The following ATP8B1 variants were observed in gnomAD, a reference collection of about 807,000 sequenced individuals.
The protein encoded by ATP8B1 is phospholipid-transporting ATPase IC.
Under a neutral mutation model 149.9 loss-of-function variants are expected in ATP8B1, and 80 were observed. The observed-to-expected ratio is 0.53, with a 90% CI of 0.45 to 0.64. The LOEUF (loss-of-function observed/expected upper bound fraction) is 0.64, where lower values mean the gene tolerates loss of function less well. ATP8B1 is among the 30% of genes least tolerant of loss of function. The probability of loss-of-function intolerance (pLI) is 0.00; values close to 1 mark genes in which losing one functional copy is unlikely to be tolerated. For synonymous variants in ATP8B1, 536 were observed against 562.8 expected, an observed-to-expected ratio of 0.95 and a Z score of 0.67; for missense variants, 1,247 against 1,552.6, an observed-to-expected ratio of 0.80 and a Z score of 3.31.
chr18:57,652,875 C>T, intron 24 of ATP8B1, 146 bp from the exon 25 acceptor site: 1 of 1,010,638 alleles, frequency 9.9e-7, no homozygotes, highest in Non-Finnish European at 1.5e-6. Context: ...ATCAATCCTG[C>T]AATATTTGTG....
chr18:57,761,064 CATAAAATAAAATAAATAAA>C (rs1379071594), intron 1 of ATP8B1, among the ~76,000 whole-genome samples: 19 of 133,132 alleles, frequency 1.4e-4, no homozygotes, highest in African/African-American at 5.2e-4. Context: ...CATAAAATAA[CATAAAATAAAATAAATAAA>C]ATAAAATAAA....
In ATP8B1 at chr18:57,708,144, G is replaced by A. The variant is rs1314039623; in HGVS notation, c.182-1557C>T. Reference sequence around the variant, plus strand: ...CTGCACTCCAGCCTGGGCGACAGACGGAAACTCTGTCTCAAAAAAAAAAAA... The same window carrying A: ...CTGCACTCCAGCCTGGGCGACAGACAGAAACTCTGTCTCAAAAAAAAAAAA... On this transcript the variant is annotated intron_variant, in intron 2 of 27. Transcript: ENST00000648908. Among the ~76,000 whole-genome samples the A allele has an allele frequency of 3.8e-5, 5 of 132,252 alleles. No homozygotes were observed. In the East Asian group the frequency reaches 8.4e-4, roughly 22 times the overall value. The allele number at this position is 132,252 out of a possible 152,430, so 86.8% of individuals were successfully genotyped here.
intron 1 of ATP8B1, among the ~76,000 whole-genome samples, chr18:57,789,390 CA>C (rs2080439838): frequency 6.6e-6 from 1 of 152,132 alleles, no homozygotes; most frequent in Non-Finnish European, 1.5e-5. Flanking sequence ...AGACTTCAGG[CA>C]AGTTATAATT....
chr18:57,649,294 C>T (rs528745971), intron 27 of ATP8B1, among the ~76,000 whole-genome samples: 3 of 151,946 alleles, frequency 2.0e-5, no homozygotes, highest in Non-Finnish European at 2.9e-5. Flanking sequence ...ATTGATCAAT[C>T]GATCTACCTA....
At chr18:57,789,725 T>G (rs771209549) in intron 1 of ATP8B1, among the ~76,000 whole-genome samples, 54 of 152,244 alleles carry the variant, frequency 3.5e-4, no homozygotes, top group Non-Finnish European at 5.7e-4. Context: ...CCTGTCATCT[T>G]TGTCCATAAA....
intron 20 of ATP8B1, among the ~76,000 whole-genome samples, chr18:57,664,350 T>C (rs1910719681): frequency 6.6e-6 from 1 of 151,334 alleles, no homozygotes; most frequent in African/African-American, 2.4e-5. Flanking sequence ...CTACTAAAAA[T>C]ACAAAAATTA....
chr18:57,695,407 G>A, intron 9 of ATP8B1, 43 bp downstream of exon 9: 1 of 1,592,928 alleles, frequency 6.3e-7, no homozygotes, highest in Non-Finnish European at 8.6e-7. Context: ...ATTGAACCAA[G>A]CAACTAAAAT....
At chr18:57,690,484 C>A (rs1912478385) in intron 12 of ATP8B1, among the ~76,000 whole-genome samples, 1 of 152,180 alleles carries the variant, frequency 6.6e-6, no homozygotes, top group Admixed American at 6.5e-5. Flanking sequence ...ACATGACATA[C>A]CTTTATATAA....
At chr18:57,667,560 T>C (rs182912774) in intron 19 of ATP8B1, 1 of 209,982 alleles carries the variant, frequency 4.8e-6, no homozygotes, top group Non-Finnish European at 9.9e-6. Flanking sequence ...AGGAATCACA[T>C]GCAGAAGAAA....
At chr18:57,781,451 C>A (rs1028453348) in intron 1 of ATP8B1, among the ~76,000 whole-genome samples, 1 of 152,114 alleles carries the variant, frequency 6.6e-6, no homozygotes, top group Non-Finnish European at 1.5e-5. Flanking sequence ...ATCCAAAATT[C>A]TTTATTTTTA....
intron 15 of ATP8B1, among the ~76,000 whole-genome samples, chr18:57,681,563 G>A (rs768860537): frequency 7.2e-5 from 11 of 152,134 alleles, no homozygotes; most frequent in Non-Finnish European, 1.0e-4. Context: ...CACTTTGGGA[G>A]GTTGAGGTGG....
At chr18:57,730,685 G>C (rs2079753938) in intron 2 of ATP8B1, among the ~76,000 whole-genome samples, 1 of 152,158 alleles carries the variant, frequency 6.6e-6, no homozygotes, top group African/African-American at 2.4e-5. Context: ...CATTGGCAGA[G>C]ACCACGTGGT....
intron 1 of ATP8B1, among the ~76,000 whole-genome samples, chr18:57,767,617 G>T (rs1051166304): frequency 8.6e-5 from 13 of 151,982 alleles, no homozygotes; most frequent in African/African-American, 3.1e-4. Flanking sequence ...GTGAAACCTT[G>T]TTTCTACTAA....
intron 1 of ATP8B1, among the ~76,000 whole-genome samples, chr18:57,750,178 G>A (rs960746894): frequency 1.3e-4 from 20 of 152,200 alleles, no homozygotes; most frequent in Admixed American, 1.2e-3. Flanking sequence ...GGGAGGTGGA[G>A]GTTGCAGTGA....
intron 1 of ATP8B1, among the ~76,000 whole-genome samples, chr18:57,751,722 C>G: frequency 6.6e-6 from 1 of 152,198 alleles, no homozygotes; most frequent in African/African-American, 2.4e-5. Context: ...AGGCCCCACC[C>G]TAGCTCCAGC....
rs1912119107 is a variant in ATP8B1 at position 57,684,140 on chromosome 18, T to C, written c.1526A>G (p.Asp509Gly). The change falls in exon 15 of 28, where the codon GAC becomes GGC. Residue 509 changes from aspartate (D) to glycine (G), a missense_variant. By Grantham distance (94) the Asp-to-Gly change is moderately conservative. Coordinates refer to ENST00000648908, the MANE Select transcript of ATP8B1 (RefSeq NM_001374385.1). Reference protein sequence around the residue: ...TYADGKLAFYDHYLIEQIQSG... With the variant: ...TYADGKLAFYGHYLIEQIQSG... ...CTGGATTTGCTCAATAAGATAGTGG[T>C]CATAAAATGCAAGCTTCCCATCAGC... is the stretch of plus-strand genomic sequence containing the variant. 1 of 1,614,128 alleles carries C rather than the reference T, an allele frequency of 6.2e-7. No homozygotes were observed. Among genetic ancestry groups the C allele is most frequent in the Non-Finnish European group, 8.5e-7 (1 of 1,180,000 alleles).
intron 12 of ATP8B1, among the ~76,000 whole-genome samples, chr18:57,689,632 TC>T (rs1912431752): frequency 6.6e-6 from 1 of 152,264 alleles, no homozygotes; most frequent in East Asian, 1.9e-4. Flanking sequence ...CAAAACAAAG[TC>T]CTTTCTCTTA....
In ATP8B1 at chr18:57,648,302, A is replaced by T; in HGVS notation, c.*186T>A. On this transcript the variant is annotated 3_prime_UTR_variant, in exon 28 of 28. Coordinates refer to ENST00000648908, the MANE Select transcript of ATP8B1 (RefSeq NM_001374385.1). ...CGCCCGGCCGAATAATAGGACTTTT[A>T]AAAGTCCTATTTCTTGGCTCTGCTA... The T allele has an allele frequency of 1.3e-6, 1 of 772,138 alleles. No homozygotes were observed. The highest frequency in any genetic ancestry group is 2.1e-6 in the Non-Finnish European group (1 of 465,918). 47.8% of individuals were successfully genotyped at this position (772,138 alleles called of 1,614,324 possible).
rs1323628577 is a variant in ATP8B1, at chr18:57,795,790, T to C, written c.-26+7208A>G. ...TCTGAAGGTGGATGGTGGTGATGGT[T>C]GCACAACAATGTGAATGTACCTAAT... On this transcript the variant is annotated intron_variant, in intron 1 of 27. Coordinates refer to ENST00000648908, the MANE Select transcript of ATP8B1 (RefSeq NM_001374385.1). 2.0e-5 allele frequency among the ~76,000 whole-genome samples: 3 copies of C among 152,276 alleles called. No individual in the cohort carries two copies. In the East Asian group the frequency reaches 5.8e-4, roughly 29 times the overall value.
Sources: gnomAD v4.1 joint callset for allele counts (sites outside exome capture counted in the v4.1 genomes callset) on GRCh38, gnomAD v4.1.1 for gene constraint, MANE v1.5 for transcripts, NCBI Gene and HGNC (gene_info 2026-07-23, HGNC 2026-07-21) for gene names.